The following DNAJC6 variants were observed in gnomAD, a reference collection of about 807,000 sequenced individuals.
The protein encoded by DNAJC6 is auxilin.
A neutral mutation model predicts 110.0 loss-of-function variants in DNAJC6; 34 were observed. The observed-to-expected ratio is 0.31, with a 90% CI of 0.24 to 0.41. The LOEUF is 0.41. Among genes scored for constraint, DNAJC6 ranks in the 10% least tolerant of loss-of-function variants. DNAJC6 has a pLI of 1.00. For synonymous variants in DNAJC6, 406 were observed against 437.2 expected, an observed-to-expected ratio of 0.93 and a Z score of 0.89; for missense variants, 1,031 against 1,207.8, an observed-to-expected ratio of 0.85 and a Z score of 2.17.
At chr1:65,334,166 C>T (rs1645313611) in intron 1 of DNAJC6, among the ~76,000 whole-genome samples, 1 of 152,152 alleles carries the variant, frequency 6.6e-6, no homozygotes, top group Non-Finnish European at 1.5e-5. Flanking sequence ...TAGGCAGATA[C>T]ACAAACTGCA....
chr1:65,385,180 C>T (rs377018967), intron 6 of DNAJC6, among the ~76,000 whole-genome samples: 2 of 152,012 alleles, frequency 1.3e-5, no homozygotes, highest in African/African-American at 2.4e-5. Context: ...GAGAATAAAG[C>T]GTTTTAAAAT....
chr1:65,344,442 A>T (rs1334191006), intron 1 of DNAJC6, among the ~76,000 whole-genome samples: 2 of 152,176 alleles, frequency 1.3e-5, no homozygotes, highest in Admixed American at 1.3e-4. Flanking sequence ...AAAGCATGAC[A>T]TCCGACTCTT....
intron 7 of DNAJC6, among the ~76,000 whole-genome samples, chr1:65,386,597 A>G (rs150216636): frequency 4.6e-5 from 7 of 152,354 alleles, no homozygotes; most frequent in African/African-American, 1.7e-4. Flanking sequence ...GATGGGATGC[A>G]GAGAGGGGGC....
intron 4 of DNAJC6, among the ~76,000 whole-genome samples, chr1:65,373,154 T>C (rs1197926792): frequency 1.3e-5 from 2 of 152,204 alleles, no homozygotes; most frequent in African/African-American, 2.4e-5. Flanking sequence ...CTTTTTTATG[T>C]GAATAATATT....
intron 1 of DNAJC6, among the ~76,000 whole-genome samples, chr1:65,267,985 A>C (rs1653391673): frequency 6.6e-6 from 1 of 152,094 alleles, no homozygotes. Flanking sequence ...CCTGAATATG[A>C]GACATAAAAA....
intron 1 of DNAJC6, among the ~76,000 whole-genome samples, chr1:65,297,988 A>G (rs985288826): frequency 2.6e-5 from 4 of 151,794 alleles, no homozygotes; most frequent in Non-Finnish European, 4.4e-5. Flanking sequence ...CTGTGACCCA[A>G]TCAATCAGCA....
At chr1:65,361,529 A>G (rs981584461) in intron 1 of DNAJC6, among the ~76,000 whole-genome samples, 2 of 152,216 alleles carry the variant, frequency 1.3e-5, no homozygotes, top group African/African-American at 4.8e-5. Flanking sequence ...CTGGCCAGTA[A>G]GCACAGTAAA....
chr1:65,340,192 A>G (rs1197657544), intron 1 of DNAJC6, among the ~76,000 whole-genome samples: 2 of 152,188 alleles, frequency 1.3e-5, no homozygotes, highest in African/African-American at 4.8e-5. Context: ...AGATTCCCAA[A>G]TGCCTGGACC....
chr1:65,405,837 A>T (rs762136564), intron 15 of DNAJC6, 33 bp from the exon 16 acceptor site: 2 of 1,554,332 alleles, frequency 1.3e-6, no homozygotes, highest in Non-Finnish European at 1.7e-6. Context: ...CACTCAAAAT[A>T]GTTTTACCTT....
intron 1 of DNAJC6, among the ~76,000 whole-genome samples, chr1:65,359,337 A>G (rs996624403): frequency 3.9e-5 from 6 of 152,222 alleles, no homozygotes; most frequent in African/African-American, 1.4e-4. Flanking sequence ...TACTGCGTCT[A>G]GTTTCCCAAA....
intron 1 of DNAJC6, among the ~76,000 whole-genome samples, chr1:65,285,732 C>T (rs1653995281): frequency 6.6e-6 from 1 of 151,810 alleles, no homozygotes; most frequent in Non-Finnish European, 1.5e-5. Flanking sequence ...GAGTGCAGTG[C>T]TGTGATCTCT....
chr1:65,265,602 C>A (rs1653289128), intron 1 of DNAJC6, among the ~76,000 whole-genome samples: 1 of 152,180 alleles, frequency 6.6e-6, no homozygotes, highest in Admixed American at 6.5e-5. Context: ...AAGGGCTAAC[C>A]GAAAAATGAG....
intron 1 of DNAJC6, among the ~76,000 whole-genome samples, chr1:65,337,233 T>C (rs1645346179): frequency 6.6e-6 from 1 of 150,428 alleles, no homozygotes; most frequent in Admixed American, 6.7e-5. Context: ...TGTGTGGTTG[T>C]TTCTGTTTTT....
At chr1:65,367,234 A>G (rs2101561814) in intron 4 of DNAJC6, among the ~76,000 whole-genome samples, 1 of 152,292 alleles carries the variant, frequency 6.6e-6, no homozygotes, top group South Asian at 2.1e-4. Context: ...GAGGCATAAG[A>G]ATCTGCATTT....
chr1:65,372,146 GGTGTGTGTGTGTGTGTGT>G (rs59816601), intron 4 of DNAJC6, among the ~76,000 whole-genome samples: 1 of 140,992 alleles, frequency 7.1e-6, no homozygotes, highest in Non-Finnish European at 1.6e-5. Flanking sequence ...TGACATTTGG[GGTGTGTGTGTGTGTGTGT>G]GTGTGTGTGT....
chr1:65,412,711 G>T (rs1368233579), intron 18 of DNAJC6, among the ~76,000 whole-genome samples: 2 of 152,160 alleles, frequency 1.3e-5, no homozygotes, highest in African/African-American at 4.8e-5. Flanking sequence ...CTTCTTGATG[G>T]ATTACTACTA....
At chr1:65,287,660 G>A (rs571442541) in intron 1 of DNAJC6, among the ~76,000 whole-genome samples, 105 of 152,196 alleles carry the variant, frequency 6.9e-4, no homozygotes, top group African/African-American at 2.5e-3. Flanking sequence ...GGAGTACAGT[G>A]GCGCACAATC....
chr1:65,345,827 A>C (rs750784473), intron 1 of DNAJC6: 26 of 222,128 alleles, frequency 1.2e-4, no homozygotes, highest in Non-Finnish European at 1.8e-4. Flanking sequence ...ACAGAAGCCA[A>C]CCCCTCCCAT....
At chr1:65,325,362 A>G (rs1323977986) in intron 1 of DNAJC6, among the ~76,000 whole-genome samples, 2 of 152,200 alleles carry the variant, frequency 1.3e-5, no homozygotes, top group Non-Finnish European at 2.9e-5. Flanking sequence ...TGTGGTTAAG[A>G]ACTCAGATGT....
Sources: gnomAD v4.1 joint callset for allele counts (sites outside exome capture counted in the v4.1 genomes callset) on GRCh38, gnomAD v4.1.1 for gene constraint, MANE v1.5 for transcripts, NCBI Gene and HGNC (gene_info 2026-07-23, HGNC 2026-07-21) for gene names.